MYF5: variants seen among roughly 807,000 people sequenced by gnomAD.
The protein encoded by MYF5 is class C basic helix-loop-helix protein 2.
Under a neutral mutation model 22.3 loss-of-function variants are expected in MYF5, and 20 were observed. The ratio of observed to expected loss-of-function variants is 0.90; its 90% confidence interval spans 0.63 to 1.30. The LOEUF is 1.30. MYF5 is among the 50% of genes most tolerant of loss of function. The pLI is 0.00. For synonymous variants in MYF5, 141 were observed against 128.4 expected, an observed-to-expected ratio of 1.10 and a Z score of -0.66; for missense variants, 348 against 325.9, an observed-to-expected ratio of 1.07 and a Z score of -0.52.
chr12:80,716,987 T>C lies in MYF5; in HGVS notation c.-77T>C, dbSNP rs1204113663. 3.3e-6 allele frequency: 5 copies of C among 1,519,390 alleles called. No individual in the cohort carries two copies. The Admixed American group carries it at 7.5e-5, about 23-fold the overall frequency. The allele number at this position is 1,519,390 out of a possible 1,614,324, so 94.1% of individuals were successfully genotyped here. On this transcript the variant is annotated 5_prime_UTR_variant, in exon 1 of 3. Coordinates refer to ENST00000228644, the MANE Select transcript of MYF5 (RefSeq NM_005593.3). ...GGGAGCTCCGCCCGGGATTTGCCCATCGGCGGAGGCGCCAGGCTCCCGTTT... is the reference window on the plus strand; with the variant it reads ...GGGAGCTCCGCCCGGGATTTGCCCACCGGCGGAGGCGCCAGGCTCCCGTTT...
In MYF5 at chr12:80,717,446, T is replaced by C. The variant is rs1223937237; in HGVS notation, c.383T>C (p.Ile128Thr). 6.2e-7 allele frequency: 1 copy of C among 1,614,152 alleles called. No homozygotes were observed. The highest frequency in any genetic ancestry group is 1.7e-5 in the Admixed American group (1 of 60,026). ...AAGGTGGAGATCCTCAGGAATGCCA[T>C]CCGCTACATCGAGAGCCTGCAGGAG... ...LPKVEILRNA[I>T]RYIESLQELL... Residue 128 changes from isoleucine to threonine, a missense_variant, in exon 1 of 3, where the codon ATC (isoleucine) becomes ACC (threonine). Ile to Thr is a moderately conservative substitution (Grantham distance 89). Coordinates refer to ENST00000228644, the MANE Select transcript of MYF5 (RefSeq NM_005593.3).
chr12:80,717,293 G>C lies in MYF5; in HGVS notation c.230G>C (p.Arg77Thr). The part of the protein sequence containing the change: ...CLMWACKACK[R>T]KSTTMDRRKA... Reference sequence around the variant, plus strand: ...ATGTGGGCCTGCAAAGCCTGCAAGAGGAAGTCCACCACCATGGATCGGCGG... The same window carrying C: ...ATGTGGGCCTGCAAAGCCTGCAAGACGAAGTCCACCACCATGGATCGGCGG... The change falls in exon 1 of 3, where the codon AGG becomes ACG. Residue 77 changes from arginine (R) to threonine (T), a missense_variant. Physicochemically the swap from Arg to Thr is moderately conservative, Grantham distance 71. Transcript: ENST00000228644. 1 of 1,614,056 alleles carries C rather than the reference G, an allele frequency of 6.2e-7. No homozygotes were observed. The highest frequency in any genetic ancestry group is 8.5e-7 in the Non-Finnish European group (1 of 1,180,010).
intron 1 of MYF5, 111 bp downstream of exon 1, chr12:80,717,675 G>T: frequency 7.4e-7 from 1 of 1,358,426 alleles, no homozygotes; most frequent in South Asian, 1.4e-5. Flanking sequence ...ATGCTGAGTT[G>T]CTTTAAAAGA....
chr12:80,717,962 G>A (rs185169355), intron 1 of MYF5, among the ~76,000 whole-genome samples: 14 of 152,316 alleles, frequency 9.2e-5, no homozygotes, highest in Admixed American at 2.6e-4. Flanking sequence ...CTGCTCCAAT[G>A]AGGCCTGGCT....
In MYF5 at chr12:80,719,308, G is replaced by C. The variant is rs1235317780; in HGVS notation, c.*257G>C. On this transcript the variant is annotated 3_prime_UTR_variant, in exon 3 of 3. Coordinates refer to ENST00000228644, the MANE Select transcript of MYF5 (RefSeq NM_005593.3). ...TTCCAGTAATACTATTTCTGATAGG[G>C]GGCCATTGATTGAGGGTAGCTTGTT... 4.5e-6 allele frequency: 1 copy of C among 222,934 alleles called. No individual in the cohort carries two copies. The highest frequency in any genetic ancestry group is 2.3e-5 in the African/African-American group (1 of 43,316). The allele number at this position is 222,934 out of a possible 1,614,324, so 13.8% of individuals were successfully genotyped here.
rs188625355 is a variant in MYF5 at position 80,717,117 on chromosome 12, C to T, written c.54C>T (p.Gly18=). 1.0e-4 allele frequency: 169 copies of T among 1,612,952 alleles called. No individual in the cohort carries two copies. The Admixed American group carries it at 2.8e-3, about 27-fold the overall frequency. The change falls in exon 1 of 3, where the codon GGC becomes GGT. Residue 18 remains glycine (G), a synonymous_variant. Coordinates refer to ENST00000228644, the MANE Select transcript of MYF5 (RefSeq NM_005593.3). The part of the protein sequence containing the change: ...QFSPSEYFYD[G]SCIPSPEGEF... ...CACCTTCTGAGTACTTCTACGACGG[C>T]TCCTGCATACCGTCCCCCGAGGGTG... is the stretch of plus-strand genomic sequence containing the variant.
Position 80,718,911 on chromosome 12 carries a change from A to G in MYF5, c.628A>G (p.Ile210Val), listed in dbSNP as rs776991226. Residue 210 changes from isoleucine (I) to valine (V), a missense_variant, in exon 3 of 3, where the codon ATA becomes GTA. Ile to Val is a conservative substitution (Grantham distance 29). Coordinates refer to ENST00000228644, the MANE Select transcript of MYF5 (RefSeq NM_005593.3). ...SLSSLDCLSN[I>V]VDRITSSEQP... ...ATCCAGCTTGGATTGCTTATCCAAC[A>G]TAGTGGACCGGATCACCTCCTCAGA... The G allele has an allele frequency of 1.2e-5, 19 of 1,614,040 alleles. No individual in the cohort carries two copies. The South Asian group carries it at 1.8e-4, about 15-fold the overall frequency.
intron 2 of MYF5, 73 bp downstream of exon 2, chr12:80,718,506 T>C (rs1195280375): frequency 1.5e-6 from 2 of 1,298,246 alleles, no homozygotes; most frequent in Non-Finnish European, 1.1e-6. Context: ...GATTCTGTTC[T>C]TGCTGATAGT....
chr12:80,718,405 C>G lies in MYF5; in HGVS notation c.549C>G (p.Asp183Glu). 6.2e-7 allele frequency: 1 copy of G among 1,613,866 alleles called. No individual in the cohort carries two copies. Among genetic ancestry groups the G allele is most frequent in the Non-Finnish European group, 8.5e-7 (1 of 1,179,734 alleles). ...PVWSRKSSTF[D>E]SIYCPDVSNV... ...GGTCCAGAAAGAGCAGTACTTTTGA[C>G]AGCATCTACTGTCCTGATGTATCAA... Residue 183 changes from aspartate (D) to glutamate (E), a missense_variant, in exon 2 of 3, where the codon GAC becomes GAG. Transcript: ENST00000228644.
Position 80,717,087 on chromosome 12 carries a change from G to C in MYF5, c.24G>C (p.Gln8His), listed in dbSNP as rs1269137050. 6.2e-7 allele frequency: 1 copy of C among 1,607,832 alleles called. No individual in the cohort carries two copies. The highest frequency in any genetic ancestry group is 8.5e-7 in the Non-Finnish European group (1 of 1,178,850). ...GGATGGACGTGATGGATGGCTGCCA[G>C]TTCTCACCTTCTGAGTACTTCTACG... MDVMDGC[Q>H]FSPSEYFYDG... The change falls in exon 1 of 3, where the codon CAG becomes CAC. Residue 8 changes from glutamine to histidine, a missense_variant. Gln to His is a conservative substitution (Grantham distance 24). Coordinates refer to ENST00000228644, the MANE Select transcript of MYF5 (RefSeq NM_005593.3).
chr12:80,718,489 C>T, intron 2 of MYF5, 56 bp downstream of exon 2: 4 of 1,382,004 alleles, frequency 2.9e-6, no homozygotes, highest in Non-Finnish European at 4.1e-6. Flanking sequence ...AACAATTCAG[C>T]CTATAAGATT....
At position 80,717,117 on chromosome 12, in the gene MYF5, C is replaced by G; in HGVS notation, c.54C>G (p.Gly18=). Residue 18 remains glycine, a synonymous_variant, in exon 1 of 3, where the codon GGC becomes GGG. Transcript: ENST00000228644. Reference sequence around the variant, plus strand: ...CACCTTCTGAGTACTTCTACGACGGCTCCTGCATACCGTCCCCCGAGGGTG... The same window carrying G: ...CACCTTCTGAGTACTTCTACGACGGGTCCTGCATACCGTCCCCCGAGGGTG... ...QFSPSEYFYD[G]SCIPSPEGEF... is the part of the protein sequence containing the mutation. 1.9e-6 allele frequency: 3 copies of G among 1,612,954 alleles called. No homozygotes were observed. The highest frequency in any genetic ancestry group is 2.5e-6 in the Non-Finnish European group (3 of 1,180,000).
chr12:80,717,386 G>T lies in MYF5; in HGVS notation c.323G>T (p.Arg108Met). The T allele has an allele frequency of 6.2e-7, 1 of 1,614,164 alleles. No individual in the cohort carries two copies. Among genetic ancestry groups the T allele is most frequent in the East Asian group, 2.2e-5 (1 of 44,866 alleles). Reference protein sequence around the residue: ...KVNQAFETLKRCTTTNPNQRL... With the variant: ...KVNQAFETLKMCTTTNPNQRL... Reference sequence around the variant, plus strand: ...AACCAGGCTTTCGAAACCCTCAAGAGGTGTACCACGACCAACCCCAACCAG... The same window carrying T: ...AACCAGGCTTTCGAAACCCTCAAGATGTGTACCACGACCAACCCCAACCAG... The change falls in exon 1 of 3, where the codon AGG (arginine) becomes ATG (methionine). Residue 108 changes from arginine (R) to methionine (M), a missense_variant. Transcript: ENST00000228644.
At chr12:80,718,819 T>C in intron 2 of MYF5, 42 bp from the exon 3 acceptor site, 1 of 1,519,558 alleles carries the variant, frequency 6.6e-7, no homozygotes, top group Non-Finnish European at 9.1e-7. Context: ...CTGTCTATCT[T>C]GGGCTAATTA....
Position 80,717,414 on chromosome 12 carries a change from G to A in MYF5, c.351G>A (p.Arg117=). The A allele has an allele frequency of 6.2e-7, 1 of 1,614,176 alleles. No individual in the cohort carries two copies. The highest frequency in any genetic ancestry group is 8.5e-7 in the Non-Finnish European group (1 of 1,180,030). ...KRCTTTNPNQ[R]LPKVEILRNA... ...GTACCACGACCAACCCCAACCAGAG[G>A]CTGCCCAAGGTGGAGATCCTCAGGA... The change falls in exon 1 of 3, where the codon AGG becomes AGA. Residue 117 remains arginine, a synonymous_variant. Transcript: ENST00000228644.
intron 1 of MYF5, 108 bp downstream of exon 1, chr12:80,717,672 G>A: frequency 7.2e-7 from 1 of 1,382,950 alleles, no homozygotes; most frequent in South Asian, 1.4e-5. Flanking sequence ...CAGATGCTGA[G>A]TTGCTTTAAA....
intron 1 of MYF5, 94 bp downstream of exon 1, chr12:80,717,658 G>A (rs1181255409): frequency 1.4e-6 from 2 of 1,448,196 alleles, no homozygotes; most frequent in East Asian, 4.6e-5. Flanking sequence ...GAGTGGGGTG[G>A]AGGCAGATGC....
rs774145708 is a variant in MYF5 at position 80,717,295 on chromosome 12, A to G, written c.232A>G (p.Lys78Glu). 8.7e-6 allele frequency: 14 copies of G among 1,613,818 alleles called. 1 individual carries two copies. In the South Asian group the frequency reaches 8.8e-5, roughly 10 times the overall value. Residue 78 changes from lysine to glutamate, a missense_variant, in exon 1 of 3, where the codon AAG (lysine) becomes GAG (glutamate). Physicochemically the swap from Lys to Glu is moderately conservative, Grantham distance 56. Coordinates refer to ENST00000228644, the MANE Select transcript of MYF5 (RefSeq NM_005593.3). ...LMWACKACKR[K>E]STTMDRRKAA... is the part of the protein sequence containing the mutation. ...GTGGGCCTGCAAAGCCTGCAAGAGGAAGTCCACCACCATGGATCGGCGGAA... is the reference window on the plus strand; with the variant it reads ...GTGGGCCTGCAAAGCCTGCAAGAGGGAGTCCACCACCATGGATCGGCGGAA...
intron 1 of MYF5, among the ~76,000 whole-genome samples, chr12:80,718,075 G>A (rs1394189785): frequency 6.6e-6 from 1 of 152,130 alleles, no homozygotes; most frequent in African/African-American, 2.4e-5. Flanking sequence ...AATTAGTGTG[G>A]CTTTCTTCTA....
Sources: gnomAD v4.1 joint callset for allele counts (sites outside exome capture counted in the v4.1 genomes callset) on GRCh38, gnomAD v4.1.1 for gene constraint, MANE v1.5 for transcripts, NCBI Gene and HGNC (gene_info 2026-07-23, HGNC 2026-07-21) for gene names.